Variants in DNAH10 observed in about 807,000 individuals in gnomAD.
DNAH10 encodes dynein axonemal heavy chain 10, also known as axonemal beta dynein heavy chain 10.
In DNAH10, 348 loss-of-function variants were observed where a neutral mutation model predicts 506.6. That is an observed-to-expected ratio of 0.69 (90% CI 0.63 to 0.75). The LOEUF (loss-of-function observed/expected upper bound fraction) is 0.75. Among genes scored for constraint, DNAH10 ranks in the 30% least tolerant of loss-of-function variants. The pLI is 0.00. For synonymous variants in DNAH10, 2,059 were observed against 2,198.6 expected, an observed-to-expected ratio of 0.94 and a Z score of 1.78; for missense variants, 5,179 against 5,787.1, an observed-to-expected ratio of 0.89 and a Z score of 3.41.
At chr12:123,821,021 G>T (rs1369173577) in intron 24 of DNAH10, among the ~76,000 whole-genome samples, 1 of 152,164 alleles carries the variant, frequency 6.6e-6, no homozygotes, top group Non-Finnish European at 1.5e-5. Flanking sequence ...AGGCCAAGGC[G>T]GGTGCATCAC....
At chr12:123,792,451 CTTTTTT>C (rs78654407) in intron 11 of DNAH10, among the ~76,000 whole-genome samples, 2 of 133,466 alleles carry the variant, frequency 1.5e-5, no homozygotes, top group Admixed American at 1.5e-4. Context: ...TTCCTTTGTC[CTTTTTT>C]TTTTTTTTTT....
chr12:123,830,572 C>T lies in DNAH10; in HGVS notation c.4418C>T (p.Thr1473Met), dbSNP rs767067597. 6 of 1,613,244 alleles carry T rather than the reference C, an allele frequency of 3.7e-6. No homozygotes were observed. The highest frequency in any genetic ancestry group is 2.2e-5 in the East Asian group (1 of 44,836). ...CATTGGAAAGAACTTATGGAAAAAACGTCTGTCTTTTTTGAAATGACCGAA... is the reference window on the plus strand; with the variant it reads ...CATTGGAAAGAACTTATGGAAAAAATGTCTGTCTTTTTTGAAATGACCGAA... ...DRHWKELMEK[T>M]SVFFEMTETF... The change falls in exon 26 of 79, where the codon ACG becomes ATG. Residue 1473 changes from threonine (T) to methionine (M), a missense_variant. Coordinates refer to ENST00000673944, the MANE Select transcript of DNAH10 (RefSeq NM_001372106.1).
In DNAH10 at chr12:123,868,054, A is replaced by G. The variant is rs1187853226; in HGVS notation, c.7454A>G (p.Lys2485Arg). The G allele has an allele frequency of 3.1e-6, 5 of 1,613,860 alleles. No individual in the cohort carries two copies. In the Admixed American group the frequency reaches 6.7e-5, roughly 22 times the overall value. The change falls in exon 43 of 79, where the codon AAA (lysine) becomes AGA (arginine). Residue 2485 changes from lysine to arginine, a missense_variant. Around this residue, in one of 3 missense-constraint regions of DNAH10, gnomAD observed 4,844 missense variants for 5,430.5 expected, o/e 0.89. Coordinates refer to ENST00000673944, the MANE Select transcript of DNAH10 (RefSeq NM_001372106.1). ...DGRMKFDEYI[K>R]RLASLSTVDT... Reference sequence around the variant, plus strand: ...AGGATGAAATTTGACGAATATATCAAACGCCTTGCTTCTTTGTCTACTGTT... The same window carrying G: ...AGGATGAAATTTGACGAATATATCAGACGCCTTGCTTCTTTGTCTACTGTT...
Position 123,897,746 on chromosome 12 carries a change from C to T in DNAH10, c.9281-24C>T, listed in dbSNP as rs141699312. The T allele has an allele frequency of 2.5e-4, 397 of 1,587,532 alleles. 2 individuals carry two copies. The East Asian group carries it at 6.8e-3, about 27-fold the overall frequency. On this transcript the variant is annotated intron_variant, in intron 54 of 78. Coordinates refer to ENST00000673944, the MANE Select transcript of DNAH10 (RefSeq NM_001372106.1). ...TGTCGAAAAAGAAAAAGAAAGAAAACATTTTTTATTCCTTCCTCTTCAGGG... is the reference window on the plus strand; with the variant it reads ...TGTCGAAAAAGAAAAAGAAAGAAAATATTTTTTATTCCTTCCTCTTCAGGG...
intron 10 of DNAH10, among the ~76,000 whole-genome samples, chr12:123,789,545 G>A (rs896693894): frequency 3.9e-5 from 6 of 152,048 alleles, no homozygotes; most frequent in Admixed American, 6.5e-5. Context: ...CACCACACCC[G>A]GCTAATTTTT....
rs757644090 is a variant in DNAH10, at chr12:123,930,623, A to G, written c.12784+50A>G. 7 of 1,582,054 alleles carry G rather than the reference A, an allele frequency of 4.4e-6. No individual in the cohort carries two copies. In the Admixed American group the frequency reaches 1.3e-4, roughly 30 times the overall value. On this transcript the variant is annotated intron_variant, in intron 73 of 78. Coordinates refer to ENST00000673944, the MANE Select transcript of DNAH10 (RefSeq NM_001372106.1). The stretch of plus-strand genomic sequence containing the variant: ...ATGTTTTCAAGGCTTTTTCTAAGGG[A>G]GACCATACATTTCAACCGGCTCCTC...
Position 123,875,366 on chromosome 12 carries a change from G to C in DNAH10, c.8074G>C (p.Ala2692Pro), listed in dbSNP as rs775443415. ...TGGCTTTATTGCTGCAATGGGAAAG[G>C]CTGGAGGAGGCCGCAATGAAGTTGA... is the stretch of plus-strand genomic sequence containing the variant. The part of the protein sequence containing the change: ...DLGFIAAMGK[A>P]GGGRNEVDPR... The change falls in exon 47 of 79, where the codon GCT becomes CCT. Residue 2692 changes from alanine (A) to proline (P), a missense_variant. By Grantham distance (27) the Ala-to-Pro change is conservative. This residue lies in a region of DNAH10 where 4,844 missense variants were observed against 5,430.5 expected (regional missense o/e 0.89). Coordinates refer to ENST00000673944, the MANE Select transcript of DNAH10 (RefSeq NM_001372106.1). 27 of 1,613,908 alleles carry C rather than the reference G, an allele frequency of 1.7e-5. No individual in the cohort carries two copies. The highest frequency in any genetic ancestry group is 3.3e-5 in the South Asian group (3 of 91,078).
intron 25 of DNAH10, among the ~76,000 whole-genome samples, chr12:123,829,540 A>G (rs1960318557): frequency 6.6e-6 from 1 of 152,160 alleles, no homozygotes; most frequent in Non-Finnish European, 1.5e-5. Flanking sequence ...TCATGGGAAA[A>G]GGGGGAAAAA....
Position 123,820,578 on chromosome 12 carries a change from A to G in DNAH10, c.4001-2A>G. Reference sequence around the variant, plus strand: ...TCACTCATCGGTGTATTTATTTACTAGGAGTAGAGCTTTTAGGTGTTTATG... The same window carrying G: ...TCACTCATCGGTGTATTTATTTACTGGGAGTAGAGCTTTTAGGTGTTTATG... On this transcript the variant is annotated splice_acceptor_variant, in intron 23 of 78. Transcript: ENST00000673944. LOFTEE classifies it high-confidence loss of function. 1 of 1,612,480 alleles carries G rather than the reference A, an allele frequency of 6.2e-7. No homozygotes were observed. Among genetic ancestry groups the G allele is most frequent in the Non-Finnish European group, 8.5e-7 (1 of 1,179,346 alleles).
chr12:123,771,529 G>T, intron 2 of DNAH10, 72 bp from the exon 3 acceptor site: 3 of 1,256,096 alleles, frequency 2.4e-6, no homozygotes, highest in Non-Finnish European at 3.4e-6. Context: ...TGCACAAAAT[G>T]CAGGGCTGCT....
In DNAH10 at chr12:123,930,437, T is replaced by G; in HGVS notation, c.12648T>G (p.Asp4216Glu). 1 of 1,592,636 alleles carries G rather than the reference T, an allele frequency of 6.3e-7. No individual in the cohort carries two copies. The highest frequency in any genetic ancestry group is 8.5e-7 in the Non-Finnish European group (1 of 1,172,902). The change falls in exon 73 of 79, where the codon GAT becomes GAG. Residue 4216 changes from aspartate (D) to glutamate (E), a missense_variant. This residue lies in a region of DNAH10 where 4,844 missense variants were observed against 5,430.5 expected (regional missense o/e 0.89). Coordinates refer to ENST00000673944, the MANE Select transcript of DNAH10 (RefSeq NM_001372106.1). ...MYGGRAIDSF[D>E]RRILTIYMDE... ...GAGGACGGGCCATCGACAGCTTTGA[T>G]CGCCGCATCCTGACCATCTACATGG...
At chr12:123,793,279 A>G (rs1207561911) in intron 11 of DNAH10, among the ~76,000 whole-genome samples, 1 of 151,730 alleles carries the variant, frequency 6.6e-6, no homozygotes, top group East Asian at 1.9e-4. Flanking sequence ...AGGAACAAAC[A>G]GGGACTCACT....
Position 123,926,941 on chromosome 12 carries a change from G to T in DNAH10, c.12105+121G>T, listed in dbSNP as rs1397031428. On this transcript the variant is annotated intron_variant, in intron 69 of 78. Coordinates refer to ENST00000673944, the MANE Select transcript of DNAH10 (RefSeq NM_001372106.1). This position sits in a 1 kb window ranked among gnomAD's most constrained non-coding sequence, Gnocchi z 4.1. ...CCACAAATCAGTTGGATGCATTTCC[G>T]AGCTAAGAAGCAGTAATGAAACACT... 2.7e-6 allele frequency: 3 copies of T among 1,097,582 alleles called. No homozygotes were observed. The East Asian group carries it at 7.7e-5, about 28-fold the overall frequency. The allele number at this position is 1,097,582 out of a possible 1,614,324, so 68.0% of individuals were successfully genotyped here.
At chr12:123,799,944 C>G (rs1958420817) in intron 14 of DNAH10, among the ~76,000 whole-genome samples, 2 of 152,186 alleles carry the variant, frequency 1.3e-5, no homozygotes, top group African/African-American at 4.8e-5. Context: ...AAAGAGGCAA[C>G]TGCTCCATGT....
At chr12:123,890,019 G>A (rs935460821) in intron 52 of DNAH10, among the ~76,000 whole-genome samples, 3 of 152,290 alleles carry the variant, frequency 2.0e-5, no homozygotes, top group South Asian at 4.1e-4. Flanking sequence ...TTGAGAGCAC[G>A]CGCTCCATCC....
At position 123,833,239 on chromosome 12, in the gene DNAH10, C is replaced by T. The variant is rs1282237314; in HGVS notation, c.4671C>T (p.Asp1557=). 6.2e-7 allele frequency: 1 copy of T among 1,613,870 alleles called. No homozygotes were observed. Among genetic ancestry groups the T allele is most frequent in the South Asian group, 1.1e-5 (1 of 91,014 alleles). Reference sequence around the variant, plus strand: ...ACGAAATTATTCAGTCTCTTGATGACAACACTTTCAACCTGCAGAGCATCT... The same window carrying T: ...ACGAAATTATTCAGTCTCTTGATGATAACACTTTCAACCTGCAGAGCATCT... The part of the protein sequence containing the change: ...SVDEIIQSLD[D]NTFNLQSISG... The change falls in exon 27 of 79, where the codon GAC becomes GAT. Residue 1557 remains aspartate, a synonymous_variant. Coordinates refer to ENST00000673944, the MANE Select transcript of DNAH10 (RefSeq NM_001372106.1).
rs187635737 is a variant in DNAH10 at position 123,928,698 on chromosome 12, T to A, written c.12306+111T>A. 4.7e-5 allele frequency: 60 copies of A among 1,267,330 alleles called. No homozygotes were observed. The East Asian group carries it at 1.5e-3, about 32-fold the overall frequency. The allele number at this position is 1,267,330 out of a possible 1,614,324, so 78.5% of individuals were successfully genotyped here. On this transcript the variant is annotated intron_variant, in intron 70 of 78. Coordinates refer to ENST00000673944, the MANE Select transcript of DNAH10 (RefSeq NM_001372106.1). The surrounding 1 kb of genome is among the most constrained non-coding windows in gnomAD (Gnocchi z 4.9). ...GTCTGTGTAGAAATAAACCTTAGGCTGCAGGTGAAACCTTGCGGTTGAAAC... is the reference window on the plus strand; with the variant it reads ...GTCTGTGTAGAAATAAACCTTAGGCAGCAGGTGAAACCTTGCGGTTGAAAC...
Position 123,820,603 on chromosome 12 carries a change from G to C in DNAH10, c.4024G>C (p.Glu1342Gln), listed in dbSNP as rs1310578806. ...DKGVELLGVYERELARHEKSR... is the reference protein window; with the variant it reads ...DKGVELLGVYQRELARHEKSR... ...AGGAGTAGAGCTTTTAGGTGTTTATGAAAGAGAGCTGGCAAGACATGAAAA... is the reference window on the plus strand; with the variant it reads ...AGGAGTAGAGCTTTTAGGTGTTTATCAAAGAGAGCTGGCAAGACATGAAAA... Residue 1342 changes from glutamate to glutamine, a missense_variant, in exon 24 of 79, where the codon GAA becomes CAA. Around this residue, in one of 3 missense-constraint regions of DNAH10, gnomAD observed 4,844 missense variants for 5,430.5 expected, o/e 0.89. Coordinates refer to ENST00000673944, the MANE Select transcript of DNAH10 (RefSeq NM_001372106.1). The C allele has an allele frequency of 6.2e-7, 1 of 1,613,804 alleles. No individual in the cohort carries two copies. Among genetic ancestry groups the C allele is most frequent in the African/African-American group, 1.3e-5 (1 of 74,920 alleles).
intron 37 of DNAH10, 76 bp from the exon 38 acceptor site, chr12:123,859,072 CGT>C: frequency 7.8e-7 from 1 of 1,282,210 alleles, no homozygotes; most frequent in Non-Finnish European, 1.1e-6. Context: ...AATTGTATGG[CGT>C]GTGTGTTGTA....
Sources: allele counts gnomAD v4.1 joint callset (sites outside exome capture counted in the v4.1 genomes callset), GRCh38; gene constraint gnomAD v4.1.1; regional missense constraint gnomAD v4.1.1; non-coding constraint Gnocchi (gnomAD v3.1); transcripts MANE v1.5; gene names NCBI Gene and HGNC (gene_info 2026-07-23, HGNC 2026-07-21).